The following CCSER1 variants were observed in gnomAD, a reference collection of about 807,000 sequenced individuals.
The protein encoded by CCSER1 is coiled-coil serine rich protein 1.
In CCSER1, 41 loss-of-function variants were observed where a neutral mutation model predicts 82.0. That is an observed-to-expected ratio of 0.50 (90% CI 0.39 to 0.65). The LOEUF is 0.65. Among genes scored for constraint, CCSER1 ranks in the 30% least tolerant of loss-of-function variants. The pLI, the probability that CCSER1 is intolerant of heterozygous loss-of-function variation, is 0.00. For synonymous variants in CCSER1, 414 were observed against 383.9 expected, an observed-to-expected ratio of 1.08 and a Z score of -0.92; for missense variants, 1,119 against 1,064.2, an observed-to-expected ratio of 1.05 and a Z score of -0.72.
At chr4:90,791,304 C>T (rs1598147) in intron 7 of CCSER1, among the ~76,000 whole-genome samples, 82,421 of 151,990 alleles carry the variant, frequency 0.54, 23,150 homozygotes, top group African/African-American at 0.7. Context: ...TAAACCACAG[C>T]AGTGGGTAAA....
At chr4:90,796,459 T>A (rs1327287880) in intron 7 of CCSER1, among the ~76,000 whole-genome samples, 1 of 151,886 alleles carries the variant, frequency 6.6e-6, no homozygotes, top group Non-Finnish European at 1.5e-5. Flanking sequence ...TGTGGATCTT[T>A]TGAAGGGTTT....
chr4:91,020,616 C>T (rs552360825), intron 9 of CCSER1, among the ~76,000 whole-genome samples: 4 of 151,828 alleles, frequency 2.6e-5, no homozygotes, highest in South Asian at 2.1e-4. Flanking sequence ...GAGCCGAGAT[C>T]GCGCCACTGC....
intron 5 of CCSER1, among the ~76,000 whole-genome samples, chr4:90,550,083 C>G (rs1777266108): frequency 6.6e-6 from 1 of 151,998 alleles, no homozygotes. Context: ...TAATCTTCCT[C>G]CCATCTTAGA....
intron 10 of CCSER1, among the ~76,000 whole-genome samples, chr4:91,355,220 T>A (rs1215688025): frequency 6.6e-6 from 1 of 151,828 alleles, no homozygotes; most frequent in East Asian, 1.9e-4. Flanking sequence ...TTTAACTGTT[T>A]AACTTTTTTT....
intron 10 of CCSER1, among the ~76,000 whole-genome samples, chr4:91,503,431 T>C (rs1759324578): frequency 6.6e-6 from 1 of 151,776 alleles, no homozygotes; most frequent in South Asian, 2.1e-4. Flanking sequence ...ATATTAGAAA[T>C]AAAGTAAATT....
intron 10 of CCSER1, among the ~76,000 whole-genome samples, chr4:91,556,235 T>C (rs1560760721): frequency 6.6e-6 from 1 of 151,136 alleles, no homozygotes. Context: ...TTAAATACTT[T>C]AGCTTTAAAG....
chr4:90,664,948 T>G (rs901022183), intron 6 of CCSER1, among the ~76,000 whole-genome samples: 7 of 152,300 alleles, frequency 4.6e-5, no homozygotes, highest in African/African-American at 1.7e-4. Flanking sequence ...ATTTTTGGCG[T>G]AAAGTAGACG....
At chr4:90,665,287 G>A (rs564913693) in intron 6 of CCSER1, among the ~76,000 whole-genome samples, 2 of 152,060 alleles carry the variant, frequency 1.3e-5, no homozygotes, top group Admixed American at 1.3e-4. Context: ...TCGAGGTAGG[G>A]AGAGGTTCTA....
intron 4 of CCSER1, among the ~76,000 whole-genome samples, chr4:90,447,308 G>A (rs531716983): frequency 2.4e-4 from 36 of 151,828 alleles, no homozygotes; most frequent in Middle Eastern, 3.4e-3. Flanking sequence ...CACCAAATAC[G>A]TGAGAGAAAA....
At chr4:90,582,424 A>G (rs1396765222) in intron 5 of CCSER1, among the ~76,000 whole-genome samples, 1 of 152,106 alleles carries the variant, frequency 6.6e-6, no homozygotes, top group Non-Finnish European at 1.5e-5. Flanking sequence ...CTACTATTAT[A>G]TTAATAACAC....
At chr4:91,001,627 C>G (rs1738045764) in intron 9 of CCSER1, among the ~76,000 whole-genome samples, 1 of 152,058 alleles carries the variant, frequency 6.6e-6, no homozygotes, top group South Asian at 2.1e-4. Context: ...CACCCCTTTA[C>G]CTTAAATTTA....
chr4:90,921,488 A>T (rs1317132849), intron 8 of CCSER1, among the ~76,000 whole-genome samples: 1 of 151,992 alleles, frequency 6.6e-6, no homozygotes, highest in African/African-American at 2.4e-5. Context: ...AGTTCCAAAG[A>T]TAACTGTTCC....
At chr4:91,190,641 CTG>C (rs1233282741) in intron 10 of CCSER1, among the ~76,000 whole-genome samples, 1 of 152,174 alleles carries the variant, frequency 6.6e-6, no homozygotes, top group Non-Finnish European at 1.5e-5. Context: ...CTCTCTGAGA[CTG>C]TATGCATATG....
In CCSER1 at chr4:90,720,298, A is replaced by T. The variant is rs554557045; in HGVS notation, c.1933-3616A>T. Among the ~76,000 whole-genome samples the T allele has an allele frequency of 1.7e-3, 207 of 123,716 alleles. 2 individuals carry two copies. Among genetic ancestry groups the T allele is most frequent in the African/African-American group, 5.8e-3 (190 of 32,782 alleles). The allele number at this position is 123,716 out of a possible 152,430, so 81.2% of individuals were successfully genotyped here. On this transcript the variant is annotated intron_variant, in intron 6 of 10. Transcript: ENST00000509176. Reference sequence around the variant, plus strand: ...CCTGGTTTGTTTTTTAGAAAAAAAAAATTAAAAAAAAACACAAGACCTAGG... The same window carrying T: ...CCTGGTTTGTTTTTTAGAAAAAAAATATTAAAAAAAAACACAAGACCTAGG...
Position 91,598,914 on chromosome 4 carries a change from C to A in CCSER1, c.2560C>A (p.Arg854=). Residue 854 remains arginine (R), a synonymous_variant, in exon 11 of 11, where the codon CGA becomes AGA. Coordinates refer to ENST00000509176, the MANE Select transcript of CCSER1 (RefSeq NM_001145065.2). The part of the protein sequence containing the change: ...EKPKDQVATA[R]QHSTFTGRFG... ...ACCAAAGGACCAAGTTGCTACGGCC[C>A]GACAGCATTCGACCTTTACAGGCAG... 1 of 1,551,534 alleles carries A rather than the reference C, an allele frequency of 6.4e-7. No homozygotes were observed. Among genetic ancestry groups the A allele is most frequent in the Non-Finnish European group, 8.7e-7 (1 of 1,146,922 alleles).
chr4:90,535,547 C>A (rs1334179703), intron 5 of CCSER1, among the ~76,000 whole-genome samples: 1 of 152,144 alleles, frequency 6.6e-6, no homozygotes, highest in Non-Finnish European at 1.5e-5. Flanking sequence ...CAGACAGCCA[C>A]TAAATAAGGT....
chr4:90,682,539 T>C (rs1734072016), intron 6 of CCSER1, among the ~76,000 whole-genome samples: 1 of 151,994 alleles, frequency 6.6e-6, no homozygotes, highest in Non-Finnish European at 1.5e-5. Context: ...ATAACAAAAG[T>C]TTACTTACCT....
chr4:91,440,050 G>A (rs1347949077), intron 10 of CCSER1, among the ~76,000 whole-genome samples: 2 of 152,044 alleles, frequency 1.3e-5, no homozygotes, highest in African/African-American at 4.8e-5. Flanking sequence ...ACATTAGACA[G>A]ATCAACGAGA....
chr4:91,575,065 A>G (rs1168243242), intron 10 of CCSER1, among the ~76,000 whole-genome samples: 5 of 152,128 alleles, frequency 3.3e-5, no homozygotes, highest in African/African-American at 1.2e-4. Flanking sequence ...ACTCATGTAT[A>G]TAGGGTCAAC....
Sources: gnomAD v4.1 joint callset for allele counts (sites outside exome capture counted in the v4.1 genomes callset) on GRCh38, gnomAD v4.1.1 for gene constraint, MANE v1.5 for transcripts, NCBI Gene and HGNC (gene_info 2026-07-23, HGNC 2026-07-21) for gene names.